The following USF3 variants were observed in gnomAD, a reference collection of about 807,000 sequenced individuals.
USF3 encodes basic helix-loop-helix domain-containing protein USF3.
A neutral mutation model predicts 157.5 loss-of-function variants in USF3; 29 were observed. The observed-to-expected ratio is 0.18, with a 90% CI of 0.14 to 0.25. The LOEUF (loss-of-function observed/expected upper bound fraction) is 0.25. USF3 is among the 10% of genes least tolerant of loss of function. The pLI is 1.00. For synonymous variants in USF3, 893 were observed against 941.4 expected (o/e 0.95, Z 0.94); for missense variants, 2,381 against 2,667.6 (o/e 0.89, Z 2.37).
rs775513453 is a variant in USF3, at chr3:113,649,827, C to T, written c.*5117G>A. 1.4e-6 allele frequency: 1 copy of T among 702,722 alleles called. No homozygotes were observed. Among genetic ancestry groups the T allele is most frequent in the South Asian group, 1.5e-5 (1 of 67,566 alleles). 43.5% of individuals were successfully genotyped at this position (702,722 alleles called of 1,614,324 possible). ...TGACTCAATCTAAATTTGGTGTCCC[C>T]CCTCCACAGGTTCTAGTAGAAACCT... On this transcript the variant is annotated 3_prime_UTR_variant, in exon 7 of 7. Coordinates refer to ENST00000316407, the MANE Select transcript of USF3 (RefSeq NM_001009899.4).
rs1427377580 is a variant in USF3 at position 113,652,106 on chromosome 3, AGAGTGTGTGTGTGT to A, written c.*2824_*2837del. On this transcript the variant is annotated 3_prime_UTR_variant, in exon 7 of 7. Transcript: ENST00000316407. Reference sequence around the variant, plus strand: ...ACTGGAGAGAGAGAGAGAGAGAGAGAGAGTGTGTGTGTGTGTGTGTGTGTGTGTGTGTGTATATG... The same window carrying A: ...ACTGGAGAGAGAGAGAGAGAGAGAGAGTGTGTGTGTGTGTGTGTGTATATG... 1.5e-5 allele frequency: 2 copies of A among 129,934 alleles called. No homozygotes were observed. The highest frequency in any genetic ancestry group is 5.7e-5 in the African/African-American group (2 of 35,000). The allele number at this position is 129,934 out of a possible 1,614,324, so 8.0% of individuals were successfully genotyped here. A position where few individuals can be genotyped will look rare whatever the true frequency, so the allele number is the denominator to read the frequency against.
At position 113,654,928 on chromosome 3, in the gene USF3, T is replaced by C. The variant is rs767071130; in HGVS notation, c.*16A>G. The C allele has an allele frequency of 6.3e-7, 1 of 1,593,802 alleles. No homozygotes were observed. The highest frequency in any genetic ancestry group is 8.6e-7 in the Non-Finnish European group (1 of 1,168,472). ...TGTAATCTCACTCATTACCTTTACA[T>C]TTTGTTTATCAGTATTTAAACAGCT... On this transcript the variant is annotated 3_prime_UTR_variant, in exon 7 of 7. Transcript: ENST00000316407.
chr3:113,666,077 G>A lies in USF3; in HGVS notation c.160-1668C>T, dbSNP rs577498004. The stretch of plus-strand genomic sequence containing the variant: ...CACATGCCTGTAATCCCAGCTACTC[G>A]GGAGGCTGAGTCAGGAGAATCACTT... On this transcript the variant is annotated intron_variant, in intron 5 of 6. Transcript: ENST00000316407. Among the ~76,000 whole-genome samples the A allele has an allele frequency of 3.9e-3, 590 of 151,298 alleles. 4 individuals are homozygous for A. The highest frequency in any genetic ancestry group is 0.014 in the African/African-American group (560 of 41,296).
At chr3:113,678,411 T>C (rs1470435343) in intron 1 of USF3, among the ~76,000 whole-genome samples, 1 of 152,122 alleles carries the variant, frequency 6.6e-6, no homozygotes, top group East Asian at 1.9e-4. Context: ...TAAGGGTCTA[T>C]CACATAAGTA....
In USF3 at chr3:113,658,502, A is replaced by T. The variant is rs761627235; in HGVS notation, c.3180T>A (p.Asp1060Glu). The change falls in exon 7 of 7, where the codon GAT (aspartate) becomes GAA (glutamate). Residue 1060 changes from aspartate (D) to glutamate (E), a missense_variant. Coordinates refer to ENST00000316407, the MANE Select transcript of USF3 (RefSeq NM_001009899.4). ...ELLLMNNDDRDPPQHHSCLPD... is the reference protein window; with the variant it reads ...ELLLMNNDDREPPQHHSCLPD... ...GGAGGCAGGAATGATGCTGTGGAGG[A>T]TCTCTATCATCATTGTTCATCAGTA... The T allele has an allele frequency of 1.1e-5, 18 of 1,613,872 alleles. No homozygotes were observed. Among genetic ancestry groups the T allele is most frequent in the Non-Finnish European group, 9.3e-6 (11 of 1,179,792 alleles).
At position 113,660,455 on chromosome 3, in the gene USF3, A is replaced by G. The variant is rs375858899; in HGVS notation, c.1227T>C (p.Val409=). The part of the protein sequence containing the change: ...TLSCSLPSSS[V]STSDLKNINS... ...TAATGTTTTTCAAATCTGAAGTACT[A>G]ACACTTGAAGAAGGCAAAGAACAAG... The change falls in exon 7 of 7, where the codon GTT becomes GTC. Residue 409 remains valine, a synonymous_variant. Coordinates refer to ENST00000316407, the MANE Select transcript of USF3 (RefSeq NM_001009899.4). 697 of 1,614,210 alleles carry G rather than the reference A, an allele frequency of 4.3e-4. 5 individuals are homozygous for G. The South Asian group carries it at 4.7e-3, about 11-fold the overall frequency.
At chr3:113,672,896 A>G (rs943982975) in intron 4 of USF3, among the ~76,000 whole-genome samples, 1 of 152,184 alleles carries the variant, frequency 6.6e-6, no homozygotes, top group Admixed American at 6.5e-5. Context: ...TTTATTTTCT[A>G]TATCTTCCTA....
intron 1 of USF3, among the ~76,000 whole-genome samples, 176 bp downstream of exon 1, chr3:113,696,194 A>C (rs1320952644): frequency 6.6e-6 from 1 of 152,148 alleles, no homozygotes; most frequent in Non-Finnish European, 1.5e-5. Flanking sequence ...ACGCCCCACC[A>C]GGTGCCGCAC....
In USF3 at chr3:113,650,090, C is replaced by T. The variant is rs1002963812; in HGVS notation, c.*4854G>A. On this transcript the variant is annotated 3_prime_UTR_variant, in exon 7 of 7. Transcript: ENST00000316407. The stretch of plus-strand genomic sequence containing the variant: ...CCCTCTGGATGTACACAGCCACAGG[C>T]GCACTACCTCCAGGCAAAGGTAGCA... The T allele has an allele frequency of 1.7e-5, 9 of 524,974 alleles. No individual in the cohort carries two copies. The highest frequency in any genetic ancestry group is 5.3e-5 in the South Asian group (2 of 37,568). The allele number at this position is 524,974 out of a possible 1,614,324, so 32.5% of individuals were successfully genotyped here. A position where few individuals can be genotyped will look rare whatever the true frequency, so the allele number is the denominator to read the frequency against.
rs368805955 is a variant in USF3 at position 113,692,289 on chromosome 3, T to C, written c.-135+4081A>G. Among the ~76,000 whole-genome samples the C allele has an allele frequency of 1.6e-3, 243 of 152,306 alleles. 4 individuals carry two copies. The South Asian group carries it at 0.032, about 20-fold the overall frequency. ...TTAACATGAAATACAATCTATATAC[T>C]TACTAGTTTTCACCACCAGACTATA... On this transcript the variant is annotated intron_variant, in intron 1 of 6. Coordinates refer to ENST00000316407, the MANE Select transcript of USF3 (RefSeq NM_001009899.4).
chr3:113,671,808 G>C (rs1577041656), intron 4 of USF3, among the ~76,000 whole-genome samples: 1 of 96,854 alleles, frequency 1.0e-5, no homozygotes, highest in Non-Finnish European at 1.9e-5. Context: ...TTGTTCCATT[G>C]CCCAGGCTGG....
At chr3:113,662,853 T>A (rs551452618) in intron 6 of USF3, among the ~76,000 whole-genome samples, 2 of 152,040 alleles carry the variant, frequency 1.3e-5, no homozygotes, top group South Asian at 4.2e-4. Flanking sequence ...TCACCACTTT[T>A]AGATGTGAGA....
intron 1 of USF3, among the ~76,000 whole-genome samples, chr3:113,683,523 C>T (rs1707483261): frequency 8.2e-6 from 1 of 121,488 alleles, no homozygotes; most frequent in Non-Finnish European, 1.6e-5. Flanking sequence ...GGCTGGAGTA[C>T]AGTGGTGCAA....
At chr3:113,682,587 GGGGTC>G (rs1423747222) in intron 1 of USF3, among the ~76,000 whole-genome samples, 1 of 152,064 alleles carries the variant, frequency 6.6e-6, no homozygotes, top group Non-Finnish European at 1.5e-5. Flanking sequence ...TTATTGTATT[GGGGTC>G]TATCTCTCTT....
intron 1 of USF3, among the ~76,000 whole-genome samples, chr3:113,685,486 G>A (rs749175803): frequency 2.0e-5 from 3 of 152,034 alleles, no homozygotes; most frequent in African/African-American, 4.8e-5. Flanking sequence ...TGCACTCCAG[G>A]AGCCAAAGCC....
intron 2 of USF3, among the ~76,000 whole-genome samples, chr3:113,676,625 A>C (rs1707289487): frequency 6.6e-6 from 1 of 152,230 alleles, no homozygotes; most frequent in South Asian, 2.1e-4. Context: ...ATGGGGACAC[A>C]GCCTAACTAT....
At chr3:113,667,555 CAGAA>C (rs1384919510) in intron 5 of USF3, among the ~76,000 whole-genome samples, 1 of 152,114 alleles carries the variant, frequency 6.6e-6, no homozygotes, top group African/African-American at 2.4e-5. Context: ...GTTAAGGAAA[CAGAA>C]AGCACAATTT....
At position 113,657,643 on chromosome 3, in the gene USF3, A is replaced by C. The variant is rs1217084716; in HGVS notation, c.4039T>G (p.Cys1347Gly). Residue 1347 changes from cysteine (C) to glycine (G), a missense_variant, in exon 7 of 7, where the codon TGT (cysteine) becomes GGT (glycine). Cys to Gly is a radical substitution (Grantham distance 159). Transcript: ENST00000316407. ...LLSSAKRQKHCQPAPLRLESM... is the reference protein window; with the variant it reads ...LLSSAKRQKHGQPAPLRLESM... Reference sequence around the variant, plus strand: ...TCAAGCCTGAGGGGGGCTGGCTGACAGTGCTTTTGACGTTTAGCTGAAGAC... The same window carrying C: ...TCAAGCCTGAGGGGGGCTGGCTGACCGTGCTTTTGACGTTTAGCTGAAGAC... The C allele has an allele frequency of 1.2e-6, 2 of 1,614,094 alleles. No homozygotes were observed. Among genetic ancestry groups the C allele is most frequent in the African/African-American group, 2.7e-5 (2 of 74,932 alleles).
Position 113,656,184 on chromosome 3 carries a change from A to G in USF3, c.5498T>C (p.Ile1833Thr), listed in dbSNP as rs757457614. Residue 1833 changes from isoleucine to threonine, a missense_variant, in exon 7 of 7, where the codon ATT (isoleucine) becomes ACT (threonine). Ile to Thr is a moderately conservative substitution (Grantham distance 89). Transcript: ENST00000316407. Reference sequence around the variant, plus strand: ...TTCTGAGAGTGACCTCTGGCTCCCAATGACCTGATCACTGAGGTGAGGGGC... The same window carrying G: ...TTCTGAGAGTGACCTCTGGCTCCCAGTGACCTGATCACTGAGGTGAGGGGC... The part of the protein sequence containing the change: ...LLAPHLSDQV[I>T]GSQRSLSEHQ... The G allele has an allele frequency of 1.5e-5, 25 of 1,614,062 alleles. No homozygotes were observed. The highest frequency in any genetic ancestry group is 8.8e-5 in the South Asian group (8 of 91,084).
Sources: allele counts gnomAD v4.1 joint callset (sites outside exome capture counted in the v4.1 genomes callset), GRCh38; gene constraint gnomAD v4.1.1; transcripts MANE v1.5; gene names NCBI Gene and HGNC (gene_info 2026-07-23, HGNC 2026-07-21).